ARHGAP12: variants seen among roughly 807,000 people sequenced by gnomAD.
The protein encoded by ARHGAP12 is Rho GTPase activating protein 12.
In ARHGAP12, 64 loss-of-function variants were observed where a neutral mutation model predicts 108.6. The observed-to-expected ratio is 0.59, with a 90% CI of 0.48 to 0.73. The LOEUF (loss-of-function observed/expected upper bound fraction) is 0.73. ARHGAP12 is among the 30% of genes least tolerant of loss of function. The probability of loss-of-function intolerance (pLI) is 0.00; values close to 1 mark genes in which losing one functional copy is unlikely to be tolerated. For synonymous variants in ARHGAP12, 312 were observed against 337.2 expected (o/e 0.93, Z 0.82); for missense variants, 940 against 1,005.9 (o/e 0.93, Z 0.89).
intron 4 of ARHGAP12, among the ~76,000 whole-genome samples, chr10:31,858,774 A>T (rs141226319): frequency 1.3e-5 from 2 of 152,324 alleles, no homozygotes; most frequent in African/African-American, 4.8e-5. Flanking sequence ...AAATCACAAC[A>T]GCGAAATGTG....
intron 15 of ARHGAP12, among the ~76,000 whole-genome samples, chr10:31,811,572 ACT>A (rs1835020039): frequency 1.3e-5 from 2 of 150,076 alleles, no homozygotes; most frequent in South Asian, 2.1e-4. Context: ...GTTTTTAAAG[ACT>A]CTGAACTCAT....
chr10:31,898,351 A>T (rs2132425390), intron 3 of ARHGAP12, among the ~76,000 whole-genome samples: 1 of 152,352 alleles, frequency 6.6e-6, no homozygotes, highest in Non-Finnish European at 1.5e-5. Context: ...ATGCAAATTA[A>T]AACCACAATC....
intron 3 of ARHGAP12, among the ~76,000 whole-genome samples, chr10:31,866,909 G>A (rs544654425): frequency 1.1e-4 from 16 of 152,214 alleles, no homozygotes; most frequent in Non-Finnish European, 1.5e-4. Flanking sequence ...GTGAGCCACC[G>A]TGCCCAGTCC....
intron 3 of ARHGAP12, among the ~76,000 whole-genome samples, chr10:31,887,641 G>A (rs545199646): frequency 6.7e-6 from 1 of 148,816 alleles, no homozygotes; most frequent in South Asian, 2.1e-4. Context: ...GTATCATTTT[G>A]CCCTTCCTGT....
At chr10:31,919,850 G>A (rs950887016) in intron 1 of ARHGAP12, among the ~76,000 whole-genome samples, 1 of 151,634 alleles carries the variant, frequency 6.6e-6, no homozygotes, top group African/African-American at 2.4e-5. Context: ...CAGGCACGGT[G>A]GCTCACGCCA....
intron 1 of ARHGAP12, among the ~76,000 whole-genome samples, chr10:31,926,102 T>C (rs1840027038): frequency 6.6e-6 from 1 of 152,162 alleles, no homozygotes. Flanking sequence ...AAGTGGATAT[T>C]AGAAGTGCAG....
At chr10:31,879,399 A>G (rs527908177) in intron 3 of ARHGAP12, among the ~76,000 whole-genome samples, 8 of 152,366 alleles carry the variant, frequency 5.3e-5, no homozygotes, top group South Asian at 4.1e-4. Flanking sequence ...AGTAACAACA[A>G]TAACAAAAAG....
intron 6 of ARHGAP12, among the ~76,000 whole-genome samples, chr10:31,844,058 CA>C (rs1394494320): frequency 1.3e-5 from 2 of 152,040 alleles, no homozygotes; most frequent in African/African-American, 4.8e-5. Context: ...AAACCTAAAC[CA>C]AAAATTAAAT....
chr10:31,910,094 G>A (rs372932966), intron 2 of ARHGAP12, among the ~76,000 whole-genome samples: 170 of 152,108 alleles, frequency 1.1e-3, no homozygotes, highest in African/African-American at 3.5e-3. Flanking sequence ...GAGGGAGCAC[G>A]GCCCTGCCAA....
In ARHGAP12 at chr10:31,818,019, G is replaced by A. The variant is rs148874927; in HGVS notation, c.1633-133C>T. On this transcript the variant is annotated intron_variant, in intron 12 of 19. Transcript: ENST00000344936. ...ATATATTATGTAACAATGATGCAAGGTTAAAGGACTACACGGCTATGGAAT... is the reference window on the plus strand; with the variant it reads ...ATATATTATGTAACAATGATGCAAGATTAAAGGACTACACGGCTATGGAAT... 3,157 of 645,614 alleles carry A rather than the reference G, an allele frequency of 4.9e-3. 20 individuals carry two copies. Among genetic ancestry groups the A allele is most frequent in the Non-Finnish European group, 7.0e-3 (2,599 of 371,514 alleles). The allele number at this position is 645,614 out of a possible 1,614,324, so 40.0% of individuals were successfully genotyped here. A position where few individuals can be genotyped will look rare whatever the true frequency, so the allele number is the denominator to read the frequency against.
intron 3 of ARHGAP12, among the ~76,000 whole-genome samples, chr10:31,863,319 T>C (rs1837204427): frequency 6.6e-6 from 1 of 152,172 alleles, no homozygotes; most frequent in South Asian, 2.1e-4. Flanking sequence ...AAATTCTATA[T>C]GGCAAATCAT....
Position 31,807,587 on chromosome 10 carries a change from A to G in ARHGAP12, c.*71T>C, listed in dbSNP as rs1834862135. The G allele has an allele frequency of 1.4e-6, 2 of 1,470,580 alleles. No individual in the cohort carries two copies. Among genetic ancestry groups the G allele is most frequent in the Non-Finnish European group, 1.8e-6 (2 of 1,095,402 alleles). 91.1% of individuals were successfully genotyped at this position (1,470,580 alleles called of 1,614,324 possible). On this transcript the variant is annotated 3_prime_UTR_variant, in exon 20 of 20. Transcript: ENST00000344936. Reference sequence around the variant, plus strand: ...GTCACTGCTTGGTCCAAAAAATAAAATACATTGTGTATAAACATTTGAAAT... The same window carrying G: ...GTCACTGCTTGGTCCAAAAAATAAAGTACATTGTGTATAAACATTTGAAAT...
At chr10:31,871,582 C>T (rs867583181) in intron 3 of ARHGAP12, among the ~76,000 whole-genome samples, 1 of 152,108 alleles carries the variant, frequency 6.6e-6, no homozygotes. Flanking sequence ...AAGCAGGTAC[C>T]AGGTAGAAAA....
intron 15 of ARHGAP12, 62 bp downstream of exon 15, chr10:31,812,645 A>G: frequency 1.9e-6 from 2 of 1,068,776 alleles, no homozygotes; most frequent in South Asian, 1.6e-5. Context: ...TTTTAATTTG[A>G]AACATTTTAT....
chr10:31,903,999 C>T (rs1026609675), intron 3 of ARHGAP12, among the ~76,000 whole-genome samples: 3 of 152,170 alleles, frequency 2.0e-5, no homozygotes, highest in African/African-American at 4.8e-5. Context: ...ATTACTCATA[C>T]GTTGCTGGTG....
At chr10:31,915,495 G>A (rs1425752610) in intron 1 of ARHGAP12, among the ~76,000 whole-genome samples, 1 of 151,978 alleles carries the variant, frequency 6.6e-6, no homozygotes, top group Non-Finnish European at 1.5e-5. Flanking sequence ...TAGTCAAATA[G>A]GAGGAATAAA....
intron 2 of ARHGAP12, 85 bp downstream of exon 2, chr10:31,910,440 A>G (rs542409615): frequency 6.6e-6 from 1 of 152,258 alleles, no homozygotes; most frequent in Admixed American, 6.5e-5. Flanking sequence ...CACTGATACA[A>G]TTTTGTTAAC....
chr10:31,923,874 G>A (rs1225343233), intron 1 of ARHGAP12, among the ~76,000 whole-genome samples: 3 of 152,110 alleles, frequency 2.0e-5, no homozygotes, highest in Non-Finnish European at 4.4e-5. Flanking sequence ...GGCTTCACAG[G>A]TATATACATA....
chr10:31,900,657 TGA>T (rs1341057100), intron 3 of ARHGAP12, among the ~76,000 whole-genome samples: 2 of 152,000 alleles, frequency 1.3e-5, no homozygotes, highest in Non-Finnish European at 2.9e-5. Flanking sequence ...AAAACTACAA[TGA>T]GAGTCAATAG....
Sources: gnomAD v4.1 joint callset for allele counts (sites outside exome capture counted in the v4.1 genomes callset) on GRCh38, gnomAD v4.1.1 for gene constraint, MANE v1.5 for transcripts, NCBI Gene and HGNC (gene_info 2026-07-23, HGNC 2026-07-21) for gene names.